PRKCD: variants seen among roughly 807,000 people sequenced by gnomAD.
PRKCD encodes protein kinase C delta.
PRKCD carries 20 observed loss-of-function variants against 82.2 expected under a neutral mutation model. The observed-to-expected ratio is 0.24, with a 90% CI of 0.17 to 0.35. The LOEUF (loss-of-function observed/expected upper bound fraction) is 0.35, where lower values mean the gene tolerates loss of function less well. PRKCD is among the 10% of genes least tolerant of loss of function. The pLI is 1.00. For synonymous variants in PRKCD, 317 were observed against 337.0 expected (o/e 0.94, Z 0.65); for missense variants, 607 against 899.0 (o/e 0.68, Z 4.15).
In PRKCD at chr3:53,184,333, TCAACAACAACAA is replaced by T. The variant is rs147569297; in HGVS notation, c.788-516_788-505del. Among the ~76,000 whole-genome samples the T allele has an allele frequency of 3.9e-3, 558 of 144,244 alleles. 2 individuals are homozygous for T. Among genetic ancestry groups the T allele is most frequent in the African/African-American group, 0.013 (498 of 37,994 alleles). The allele number at this position is 144,244 out of a possible 152,430, so 94.6% of individuals were successfully genotyped here. On this transcript the variant is annotated intron_variant, in intron 9 of 18. Transcript: ENST00000330452. ...CTGGGTGACAGAGTGAGACTCCGTC[TCAACAACAACAA>T]CAACAACAACAACAACAACAACAAA... is the stretch of plus-strand genomic sequence containing the variant.
rs1268881166 is a variant in PRKCD at position 53,169,551 on chromosome 3, C to T, written c.-20+4336C>T. 6.6e-6 allele frequency among the ~76,000 whole-genome samples: 1 copy of T among 152,184 alleles called. No homozygotes were observed. The highest frequency in any genetic ancestry group is 1.9e-4 in the East Asian group (1 of 5,188). On this transcript the variant is annotated intron_variant, in intron 2 of 18. Coordinates refer to ENST00000330452, the MANE Select transcript of PRKCD (RefSeq NM_006254.4). The surrounding 1 kb of genome is among the most constrained non-coding windows in gnomAD (Gnocchi z 4.7). The stretch of plus-strand genomic sequence containing the variant: ...ACAGGCAGAGCAGAGCAGGCAGTCG[C>T]CAAGGCCTGAGGCTAGATCAGATGT...
rs2306573 is a variant in PRKCD, at chr3:53,187,299, G to A, written c.1353-41G>A. ...GCCCGAGGAGAAGCAGAGGCTGCTC[G>A]GCAGAGATCCCGGAACACTTTATCC... On this transcript the variant is annotated intron_variant, in intron 14 of 18. Transcript: ENST00000330452. 1.7e-4 allele frequency: 277 copies of A among 1,612,118 alleles called. No homozygotes were observed. The East Asian group carries it at 5.9e-3, about 34-fold the overall frequency.
chr3:53,192,030 C>G, intron 18 of PRKCD, 78 bp from the exon 19 acceptor site: 1 of 1,508,686 alleles, frequency 6.6e-7, no homozygotes. Flanking sequence ...TGGCCCAGCC[C>G]TGCAGGGACT....
rs557772373 is a variant in PRKCD, at chr3:53,188,187, C to CAA, written c.1416-507_1416-506dup. ...TGTGTGACAGAATGAGACTGTGTCT[C>CAA]AAAAAAAAAAAAAAAAAAAAAAAAA... On this transcript the variant is annotated intron_variant, in intron 15 of 18. Transcript: ENST00000330452. 3.9e-4 allele frequency among the ~76,000 whole-genome samples: 18 copies of CAA among 45,570 alleles called. 2 individuals are homozygous for CAA. The highest frequency in any genetic ancestry group is 1.2e-3 in the Admixed American group (3 of 2,416). 29.9% of individuals were successfully genotyped at this position (45,570 alleles called of 152,430 possible).
rs2242305 is a variant in PRKCD at position 53,181,125 on chromosome 3, C to A, written c.316-82C>A. 213,256 of 1,474,684 alleles carry A rather than the reference C, an allele frequency of 0.14. 15,809 individuals carry two copies. Among genetic ancestry groups the A allele is most frequent in the Admixed American group, 0.19 (9,629 of 51,410 alleles). The allele number at this position is 1,474,684 out of a possible 1,614,324, so 91.3% of individuals were successfully genotyped here. A position where few individuals can be genotyped will look rare whatever the true frequency, so the allele number is the denominator to read the frequency against. ...GGCTGCCTTGGCCTTGGGGGACCAG[C>A]CATGGGGGTGGGTTCTGAGTTTGGC... is the stretch of plus-strand genomic sequence containing the variant. On this transcript the variant is annotated intron_variant, in intron 4 of 18. Transcript: ENST00000330452.
intron 13 of PRKCD, 98 bp from the exon 14 acceptor site, chr3:53,186,506 G>A (rs1703696819): frequency 2.2e-6 from 3 of 1,390,452 alleles, no homozygotes; most frequent in Non-Finnish European, 3.0e-6. Context: ...GCCAGGGCCT[G>A]TCCCTGCTGT....
chr3:53,190,181 A>G (rs782391572), intron 18 of PRKCD, among the ~76,000 whole-genome samples, 180 bp downstream of exon 18: 9 of 152,212 alleles, frequency 5.9e-5, no homozygotes, highest in Non-Finnish European at 2.9e-5. Flanking sequence ...GTCATTCAGC[A>G]CACACTGGGG....
intron 11 of PRKCD, 61 bp downstream of exon 11, chr3:53,185,761 A>G: frequency 6.4e-7 from 1 of 1,561,786 alleles, no homozygotes; most frequent in Non-Finnish European, 8.8e-7. Context: ...AAGAAAGGGG[A>G]CTGTCCTCCC....
At chr3:53,163,835 A>G (rs1702750468) in intron 1 of PRKCD, among the ~76,000 whole-genome samples, 1 of 152,106 alleles carries the variant, frequency 6.6e-6, no homozygotes, top group Non-Finnish European at 1.5e-5. Flanking sequence ...CAGAGCCCCC[A>G]GTACCCAGCC....
intron 1 of PRKCD, among the ~76,000 whole-genome samples, chr3:53,163,745 A>T (rs1330979775): frequency 1.3e-5 from 2 of 152,140 alleles, no homozygotes; most frequent in African/African-American, 4.8e-5. Context: ...CCCAGACAGT[A>T]TCCAACCCAA....
rs374605708 is a variant in PRKCD, at chr3:53,186,347, G to A, written c.1260+7G>A. The A allele has an allele frequency of 1.8e-4, 285 of 1,613,868 alleles. No homozygotes were observed. The highest frequency in any genetic ancestry group is 2.2e-4 in the Non-Finnish European group (263 of 1,179,900). On this transcript the variant is annotated splice_region_variant and intron_variant, in intron 13 of 18. Transcript: ENST00000330452. Reference sequence around the variant, plus strand: ...CTGCACCTTCCAGACCAAGGTGCCCGGGCCTCCTGCCGTCACCACCCCATG... The same window carrying A: ...CTGCACCTTCCAGACCAAGGTGCCCAGGCCTCCTGCCGTCACCACCCCATG...
intron 2 of PRKCD, among the ~76,000 whole-genome samples, chr3:53,176,549 G>C (rs1703218939): frequency 6.6e-6 from 1 of 152,264 alleles, no homozygotes; most frequent in Non-Finnish European, 1.5e-5. Flanking sequence ...AGGATGGAGT[G>C]AATACATGTG....
Position 53,188,935 on chromosome 3 carries a change from A to G in PRKCD, c.1554+77A>G. 3 of 1,594,172 alleles carry G rather than the reference A, an allele frequency of 1.9e-6. No homozygotes were observed. In the South Asian group the frequency reaches 3.4e-5, roughly 18 times the overall value. ...ACGGTGGGCCAGGGAAGGATTCCCA[A>G]GGGCAGTGATGTCCAAGCCAAAGCC... On this transcript the variant is annotated intron_variant, in intron 16 of 18. Coordinates refer to ENST00000330452, the MANE Select transcript of PRKCD (RefSeq NM_006254.4).
At position 53,186,293 on chromosome 3, in the gene PRKCD, G is replaced by A. The variant is rs150331740; in HGVS notation, c.1213G>A (p.Ala405Thr). Reference sequence around the variant, plus strand: ...TGAGAAGCGGGTGCTGACACTTGCCGCAGAGAATCCCTTTCTCACCCACCT... The same window carrying A: ...TGAGAAGCGGGTGCTGACACTTGCCACAGAGAATCCCTTTCTCACCCACCT... ...MVEKRVLTLA[A>T]ENPFLTHLIC... Residue 405 changes from alanine to threonine, a missense_variant, in exon 13 of 19, where the codon GCA becomes ACA. Ala to Thr is a moderately conservative substitution (Grantham distance 58). Around this residue, in one of 5 missense-constraint regions of PRKCD, gnomAD observed 251 missense variants for 423.9 expected, o/e 0.59. Coordinates refer to ENST00000330452, the MANE Select transcript of PRKCD (RefSeq NM_006254.4). The A allele has an allele frequency of 6.7e-4, 1,082 of 1,614,154 alleles. 1 individual carries two copies. The highest frequency in any genetic ancestry group is 7.8e-4 in the Non-Finnish European group (917 of 1,180,014).
At position 53,181,783 on chromosome 3, in the gene PRKCD, G is replaced by A. The variant is rs7630325; in HGVS notation, c.571+51G>A. On this transcript the variant is annotated intron_variant, in intron 7 of 18. Coordinates refer to ENST00000330452, the MANE Select transcript of PRKCD (RefSeq NM_006254.4). ...TACGTATGTACCCATGTGTGCTCAC[G>A]TGTGCCAGTGCCTGTGTGTATGCCA... 236,101 of 1,612,382 alleles carry A rather than the reference G, an allele frequency of 0.15. 17,645 individuals are homozygous for A. Among genetic ancestry groups the A allele is most frequent in the East Asian group, 0.19 (8,343 of 44,846 alleles).
Position 53,185,992 on chromosome 3 carries a change from T to G in PRKCD, c.1051T>G (p.Phe351Val), listed in dbSNP as rs782444193. Residue 351 changes from phenylalanine to valine, a missense_variant, in exon 12 of 19, where the codon TTC (phenylalanine) becomes GTC (valine). Physicochemically the swap from Phe to Val is conservative, Grantham distance 50 (BLOSUM62 -1). Coordinates refer to ENST00000330452, the MANE Select transcript of PRKCD (RefSeq NM_006254.4). ...SSKCNINNFI[F>V]HKVLGKGSFG... ...CAAGTGCAACATCAACAACTTCATCTTCCACAAGGTCCTGGGCAAAGGCAG... is the reference window on the plus strand; with the variant it reads ...CAAGTGCAACATCAACAACTTCATCGTCCACAAGGTCCTGGGCAAAGGCAG... The G allele has an allele frequency of 3.1e-6, 5 of 1,614,222 alleles. No individual in the cohort carries two copies. The East Asian group carries it at 6.7e-5, about 22-fold the overall frequency.
At chr3:53,167,163 G>A (rs999569812) in intron 2 of PRKCD, among the ~76,000 whole-genome samples, 1 of 152,220 alleles carries the variant, frequency 6.6e-6, no homozygotes, top group Non-Finnish European at 1.5e-5. Flanking sequence ...GAGCTGCCCA[G>A]GAAGTGGTTT....
intron 4 of PRKCD, among the ~76,000 whole-genome samples, chr3:53,180,983 T>C (rs1443495474): frequency 6.6e-6 from 1 of 151,430 alleles, no homozygotes; most frequent in African/African-American, 2.4e-5. Flanking sequence ...CTGGACCCTT[T>C]CACTTCCCTA....
At chr3:53,178,272 AGT>A in intron 2 of PRKCD, 130 bp from the exon 3 acceptor site, 10 of 553,880 alleles carry the variant, frequency 1.8e-5, no homozygotes, top group Non-Finnish European at 2.9e-5. Flanking sequence ...AACTGAGACT[AGT>A]GTGTGTGTGC....
Sources: allele counts gnomAD v4.1 joint callset (sites outside exome capture counted in the v4.1 genomes callset), GRCh38; gene constraint gnomAD v4.1.1; regional missense constraint gnomAD v4.1.1; non-coding constraint Gnocchi (gnomAD v3.1); transcripts MANE v1.5; gene names NCBI Gene and HGNC (gene_info 2026-07-23, HGNC 2026-07-21).